Variants in GPBP1L1 observed in about 807,000 individuals in gnomAD.
GPBP1L1 encodes vasculin-like protein 1.
In GPBP1L1, 23 loss-of-function variants were observed where a neutral mutation model predicts 52.5. The ratio of observed to expected loss-of-function variants is 0.44; its 90% CI spans 0.32 to 0.62. GPBP1L1 has a LOEUF of 0.62. Ranked by LOEUF, GPBP1L1 falls within the 20% of genes least tolerant of loss-of-function variation. GPBP1L1 has a pLI of 0.06. For missense variants in GPBP1L1, 596 were observed against 579.3 expected, an observed-to-expected ratio of 1.03 and a Z score of -0.30; for synonymous variants, 243 against 203.1, an observed-to-expected ratio of 1.20 and a Z score of -1.67.
At chr1:45,652,360 G>C (rs1258162806) in intron 6 of GPBP1L1, among the ~76,000 whole-genome samples, 1 of 152,174 alleles carries the variant, frequency 6.6e-6, no homozygotes, top group East Asian at 1.9e-4. Context: ...TAGAATGTTT[G>C]TATCATTCCC....
At chr1:45,640,433 G>A (rs1425996992) in intron 7 of GPBP1L1, 30 bp from the exon 8 acceptor site, 1 of 1,570,748 alleles carries the variant, frequency 6.4e-7, no homozygotes, top group Non-Finnish European at 8.8e-7. Context: ...AGAGACAACA[G>A]AATGTCAAAC....
intron 6 of GPBP1L1, among the ~76,000 whole-genome samples, chr1:45,653,868 T>C (rs992512166): frequency 2.0e-5 from 3 of 151,914 alleles, no homozygotes; most frequent in Admixed American, 2.0e-4. Context: ...CCAGCTAATT[T>C]TTGTGTTTTT....
intron 9 of GPBP1L1, 142 bp downstream of exon 9, chr1:45,633,954 A>G (rs995768042): frequency 7.0e-6 from 7 of 998,476 alleles, no homozygotes; most frequent in Non-Finnish European, 1.0e-5. Flanking sequence ...TTGGATGCTA[A>G]CAGAAAACAT....
intron 9 of GPBP1L1, 158 bp downstream of exon 9, chr1:45,633,938 C>T (rs1644562652): frequency 1.2e-6 from 1 of 833,772 alleles, no homozygotes; most frequent in Admixed American, 2.9e-5. Context: ...TAGCCACTGC[C>T]CACTTTTGGA....
intron 2 of GPBP1L1, among the ~76,000 whole-genome samples, chr1:45,665,597 C>T (rs1272836097): frequency 6.6e-6 from 1 of 151,498 alleles, no homozygotes; most frequent in Non-Finnish European, 1.5e-5. Flanking sequence ...AAAAACTAGC[C>T]GGGTGTGGTG....
At chr1:45,654,912 C>A (rs1376457074) in intron 5 of GPBP1L1, 83 bp from the exon 6 acceptor site, 2 of 1,329,254 alleles carry the variant, frequency 1.5e-6, no homozygotes, top group Non-Finnish European at 2.0e-6. Flanking sequence ...TTCAGGAGAC[C>A]TCGTTAATAA....
chr1:45,637,798 T>G (rs547677579), intron 8 of GPBP1L1, among the ~76,000 whole-genome samples: 2 of 152,246 alleles, frequency 1.3e-5, no homozygotes, highest in South Asian at 2.1e-4. Context: ...TGCTGGCAGG[T>G]TGGTAACAAT....
intron 6 of GPBP1L1, chr1:45,645,782 T>TTTTGG: frequency 1.4e-5 from 5 of 363,626 alleles, no homozygotes; most frequent in South Asian, 4.4e-5. Context: ...TTTTTTTTTT[T>TTTTGG]GAGGCATTTT....
intron 6 of GPBP1L1, among the ~76,000 whole-genome samples, chr1:45,652,386 G>C (rs1321007892): frequency 1.3e-5 from 2 of 152,118 alleles, no homozygotes; most frequent in African/African-American, 4.8e-5. Flanking sequence ...GAATGTCACA[G>C]GACTGATAAT....
chr1:45,636,826 A>T (rs529186443), intron 8 of GPBP1L1, among the ~76,000 whole-genome samples: 152 of 152,306 alleles, frequency 1.0e-3, no homozygotes, highest in African/African-American at 3.1e-3. Context: ...TTAATTTCTC[A>T]ACTTCCTCTT....
chr1:45,665,415 A>G (rs961748715), intron 2 of GPBP1L1, among the ~76,000 whole-genome samples: 3 of 152,086 alleles, frequency 2.0e-5, no homozygotes, highest in Non-Finnish European at 4.4e-5. Flanking sequence ...GGTAGACAAC[A>G]TTTAAAGTTT....
At chr1:45,666,953 C>CTG (rs987501607) in intron 2 of GPBP1L1, among the ~76,000 whole-genome samples, 2 of 152,180 alleles carry the variant, frequency 1.3e-5, no homozygotes, top group African/African-American at 4.8e-5. Flanking sequence ...GACACAAAAA[C>CTG]TGTAAGTTGT....
At chr1:45,663,710 A>G (rs1006736680) in intron 2 of GPBP1L1, among the ~76,000 whole-genome samples, 4 of 152,238 alleles carry the variant, frequency 2.6e-5, no homozygotes, top group African/African-American at 9.6e-5. Context: ...GACTAAAAGG[A>G]AAAATCCCAA....
At position 45,655,219 on chromosome 1, in the gene GPBP1L1, A is replaced by T. The variant is rs1208288778; in HGVS notation, c.161T>A (p.Phe54Tyr). 2 of 1,614,156 alleles carry T rather than the reference A, an allele frequency of 1.2e-6. No individual in the cohort carries two copies. The highest frequency in any genetic ancestry group is 1.7e-6 in the Non-Finnish European group (2 of 1,180,012). The change falls in exon 5 of 13, where the codon TTT becomes TAT. Residue 54 changes from phenylalanine (F) to tyrosine (Y), a missense_variant. Physicochemically the swap from Phe to Tyr is conservative, Grantham distance 22 (BLOSUM62 3). Coordinates refer to ENST00000355105, the MANE Select transcript of GPBP1L1 (RefSeq NM_021639.5). The stretch of plus-strand genomic sequence containing the variant: ...TGCAGTTCGTAGGGGACCATTGTTA[A>T]AAAAACCATCAGAGGAATTATGTCG... Reference protein sequence around the residue: ...RRRHNSSDGFFNNGPLRTAGD... With the variant: ...RRRHNSSDGFYNNGPLRTAGD...
chr1:45,684,272 A>AAAAAAAG (rs1645251993), intron 2 of GPBP1L1, among the ~76,000 whole-genome samples: 1 of 150,958 alleles, frequency 6.6e-6, no homozygotes, highest in African/African-American at 2.4e-5. Flanking sequence ...AAAAAAAAAA[A>AAAAAAAG]AAAAAGAAAA....
chr1:45,680,481 C>T (rs1050484635), intron 2 of GPBP1L1, among the ~76,000 whole-genome samples: 3 of 151,936 alleles, frequency 2.0e-5, no homozygotes, highest in African/African-American at 7.3e-5. Flanking sequence ...TCATGTGATC[C>T]GCCTGCCTCA....
At chr1:45,633,705 T>TTTTTGTTTAAA in intron 9 of GPBP1L1, 58 bp from the exon 10 acceptor site, 1 of 1,551,062 alleles carries the variant, frequency 6.4e-7, no homozygotes, top group South Asian at 1.1e-5. Flanking sequence ...ACTGGGGTTC[T>TTTTTGTTTAAA]CTTCTACTAA....
intron 6 of GPBP1L1, among the ~76,000 whole-genome samples, chr1:45,644,323 GCTC>G (rs1644712903): frequency 6.6e-6 from 1 of 152,156 alleles, no homozygotes; most frequent in Non-Finnish European, 1.5e-5. Context: ...CAGAGACAAT[GCTC>G]CTATTTATAC....
intron 6 of GPBP1L1, among the ~76,000 whole-genome samples, chr1:45,653,502 T>C (rs530180647): frequency 5.9e-4 from 89 of 152,060 alleles, no homozygotes; most frequent in East Asian, 3.9e-4. Context: ...ACCGCAGACA[T>C]GTGCCATCAT....
Sources: allele counts gnomAD v4.1 joint callset (sites outside exome capture counted in the v4.1 genomes callset), GRCh38; gene constraint gnomAD v4.1.1; transcripts MANE v1.5; gene names NCBI Gene and HGNC (gene_info 2026-07-23, HGNC 2026-07-21).